Variants in NLGN1 observed in about 807,000 individuals in gnomAD.
NLGN1 encodes the protein neuroligin-1.
A neutral mutation model predicts 65.5 loss-of-function variants in NLGN1; 12 were observed. That is an observed-to-expected ratio of 0.18 (90% CI 0.12 to 0.30). The LOEUF (loss-of-function observed/expected upper bound fraction) is 0.30. Among genes scored for constraint, NLGN1 ranks in the 10% least tolerant of loss-of-function variants. NLGN1 has a pLI of 1.00. For missense variants in NLGN1, 750 were observed against 1,007.1 expected, an observed-to-expected ratio of 0.74 and a Z score of 3.46; for synonymous variants, 350 against 359.5, an observed-to-expected ratio of 0.97 and a Z score of 0.30.
intron 4 of NLGN1, among the ~76,000 whole-genome samples, chr3:174,101,701 G>GCACAATAGTGCCCACA (rs1375157801): frequency 6.6e-6 from 1 of 152,090 alleles, no homozygotes; most frequent in African/African-American, 2.4e-5. Context: ...GCAGGCCCTC[G>GCACAATAGTGCCCACA]CACAATAGTG....
At chr3:173,847,665 AG>A (rs1202103697) in intron 4 of NLGN1, among the ~76,000 whole-genome samples, 10 of 152,178 alleles carry the variant, frequency 6.6e-5, no homozygotes, top group African/African-American at 2.4e-4. Flanking sequence ...TGAGGGCAGG[AG>A]TTTGAGACCA....
intron 4 of NLGN1, among the ~76,000 whole-genome samples, chr3:174,096,061 C>G (rs1296610225): frequency 6.6e-6 from 1 of 151,160 alleles, no homozygotes; most frequent in Non-Finnish European, 1.5e-5. Context: ...CATCATGAGC[C>G]TTATATACAA....
intron 4 of NLGN1, among the ~76,000 whole-genome samples, chr3:174,218,295 A>G (rs889337389): frequency 2.6e-5 from 4 of 152,096 alleles, no homozygotes; most frequent in Non-Finnish European, 4.4e-5. Context: ...AAGGCAGACA[A>G]TAAAAATGTT....
At chr3:173,701,143 G>A (rs185500128) in intron 3 of NLGN1, among the ~76,000 whole-genome samples, 1 of 151,832 alleles carries the variant, frequency 6.6e-6, no homozygotes, top group African/African-American at 2.4e-5. Context: ...AAAAAGTGCC[G>A]GAAAATGCTG....
At chr3:173,784,785 T>TACA (rs1426789232) in intron 3 of NLGN1, among the ~76,000 whole-genome samples, 1 of 152,060 alleles carries the variant, frequency 6.6e-6, no homozygotes, top group East Asian at 1.9e-4. Flanking sequence ...TGTAAATATA[T>TACA]ACAACAGATA....
chr3:173,607,769 A>G (rs562640344), intron 3 of NLGN1, among the ~76,000 whole-genome samples: 2 of 151,440 alleles, frequency 1.3e-5, no homozygotes, highest in East Asian at 1.9e-4. Context: ...TGTATAAATG[A>G]TGGTTTAGGA....
intron 4 of NLGN1, among the ~76,000 whole-genome samples, chr3:174,221,845 A>G (rs1019088765): frequency 8.0e-5 from 12 of 150,348 alleles, no homozygotes; most frequent in Admixed American, 2.0e-4. Context: ...CGTCATTCCA[A>G]TCTCTTCCTC....
intron 1 of NLGN1, among the ~76,000 whole-genome samples, chr3:173,417,439 C>T (rs1443810399): frequency 3.3e-5 from 5 of 151,744 alleles, no homozygotes; most frequent in African/African-American, 9.7e-5. Flanking sequence ...TAGTGATTTT[C>T]TATTTTGCTT....
chr3:173,749,069 C>T (rs1037523124), intron 3 of NLGN1, among the ~76,000 whole-genome samples: 1 of 151,958 alleles, frequency 6.6e-6, no homozygotes, highest in East Asian at 1.9e-4. Flanking sequence ...TGCTTGATGC[C>T]ATCATTTATC....
At chr3:173,478,532 A>G (rs976313516) in intron 2 of NLGN1, among the ~76,000 whole-genome samples, 2 of 152,298 alleles carry the variant, frequency 1.3e-5, no homozygotes, top group Non-Finnish European at 2.9e-5. Context: ...TACATCCTAC[A>G]CATGTATGCT....
chr3:173,592,776 C>T (rs1429100588), intron 2 of NLGN1, among the ~76,000 whole-genome samples: 2 of 152,198 alleles, frequency 1.3e-5, no homozygotes, highest in Non-Finnish European at 2.9e-5. Flanking sequence ...AAGACACACC[C>T]TGTACTCTCA....
chr3:173,473,098 C>T (rs902507962), intron 2 of NLGN1, among the ~76,000 whole-genome samples: 3 of 152,140 alleles, frequency 2.0e-5, no homozygotes, highest in African/African-American at 7.2e-5. Context: ...AATTCAAAAT[C>T]CTCAATAGAC....
chr3:173,882,163 G>A (rs533571656), intron 4 of NLGN1, among the ~76,000 whole-genome samples: 1 of 152,204 alleles, frequency 6.6e-6, no homozygotes, highest in South Asian at 2.1e-4. Flanking sequence ...CTCAACAATG[G>A]CTTTTAAATA....
chr3:174,257,940 T>G (rs1272569394), intron 4 of NLGN1, among the ~76,000 whole-genome samples: 3 of 150,966 alleles, frequency 2.0e-5, no homozygotes, highest in Non-Finnish European at 3.0e-5. Flanking sequence ...AAATAGTAAT[T>G]TTTATAATTA....
chr3:173,889,401 T>C (rs918972288), intron 4 of NLGN1, among the ~76,000 whole-genome samples: 12 of 152,102 alleles, frequency 7.9e-5, no homozygotes, highest in Non-Finnish European at 1.3e-4. Context: ...ACTGTTTTAC[T>C]ACAAACAGTG....
At chr3:174,191,044 A>G (rs1732303123) in intron 4 of NLGN1, among the ~76,000 whole-genome samples, 1 of 151,718 alleles carries the variant, frequency 6.6e-6, no homozygotes, top group South Asian at 2.1e-4. Flanking sequence ...TCCCACATGC[A>G]CCCAATGTAT....
intron 4 of NLGN1, among the ~76,000 whole-genome samples, chr3:173,944,370 T>C (rs1253678234): frequency 6.6e-6 from 1 of 152,124 alleles, no homozygotes; most frequent in Non-Finnish European, 1.5e-5. Flanking sequence ...GAAGCTTTGT[T>C]TACATGGGCA....
intron 2 of NLGN1, among the ~76,000 whole-genome samples, chr3:173,451,935 C>T (rs1023805189): frequency 3.9e-5 from 6 of 152,194 alleles, no homozygotes; most frequent in Middle Eastern, 3.2e-3. Flanking sequence ...GGGAGTGACC[C>T]GATTTTCCAA....
At chr3:173,804,438 C>A (rs1188155973) in intron 3 of NLGN1, among the ~76,000 whole-genome samples, 1 of 151,878 alleles carries the variant, frequency 6.6e-6, no homozygotes, top group East Asian at 1.9e-4. Flanking sequence ...AAAGAGACAA[C>A]TTGGCTCTAA....
Sources: gnomAD v4.1 joint callset for allele counts (sites outside exome capture counted in the v4.1 genomes callset) on GRCh38, gnomAD v4.1.1 for gene constraint, MANE v1.5 for transcripts, NCBI Gene and HGNC (gene_info 2026-07-23, HGNC 2026-07-21) for gene names.